GRID1: variants seen among roughly 807,000 people sequenced by gnomAD.
GRID1 encodes the protein glutamate receptor ionotropic, delta-1.
GRID1 carries 28 observed loss-of-function variants against 98.0 expected under a neutral mutation model. The ratio of observed to expected loss-of-function variants is 0.29; its 90% confidence interval spans 0.21 to 0.39. The LOEUF is 0.39. Ranked by LOEUF, GRID1 falls within the 10% of genes least tolerant of loss-of-function variation. The pLI, the probability that GRID1 is intolerant of heterozygous loss-of-function variation, is 1.00. For synonymous variants in GRID1, 553 were observed against 538.5 expected, an observed-to-expected ratio of 1.03 and a Z score of -0.37; for missense variants, 1,111 against 1,340.5, an observed-to-expected ratio of 0.83 and a Z score of 2.67.
chr10:85,612,420 G>A (rs891717062), intron 15 of GRID1, among the ~76,000 whole-genome samples: 1 of 152,180 alleles, frequency 6.6e-6, no homozygotes, highest in East Asian at 1.9e-4. Context: ...GAACTGCCCT[G>A]TACTATCTGA....
intron 4 of GRID1, among the ~76,000 whole-genome samples, chr10:85,999,125 T>C (rs1842774718): frequency 6.6e-6 from 1 of 150,832 alleles, no homozygotes; most frequent in Admixed American, 6.6e-5. Context: ...GGCACGAGAA[T>C]CAGTTGAACT....
intron 2 of GRID1, among the ~76,000 whole-genome samples, chr10:86,222,610 G>A (rs1846274620): frequency 6.6e-6 from 1 of 152,190 alleles, no homozygotes; most frequent in Non-Finnish European, 1.5e-5. Context: ...CACCCCAGGA[G>A]AGGCAGCCTG....
chr10:86,178,271 T>TC (rs1564698554), intron 3 of GRID1, among the ~76,000 whole-genome samples: 4 of 152,116 alleles, frequency 2.6e-5, no homozygotes, highest in African/African-American at 9.7e-5. Context: ...GCATTTTTTT[T>TC]CTTACGTTTT....
intron 13 of GRID1, among the ~76,000 whole-genome samples, chr10:85,634,292 C>CTT (rs59879223): frequency 9.4e-6 from 1 of 106,610 alleles, no homozygotes; most frequent in African/African-American, 4.4e-5. Context: ...CTCTCTCTCT[C>CTT]ACACACACAC....
At chr10:86,225,710 A>G (rs537084396) in intron 2 of GRID1, among the ~76,000 whole-genome samples, 67 of 152,338 alleles carry the variant, frequency 4.4e-4, no homozygotes, top group African/African-American at 1.5e-3. Flanking sequence ...GGACCAGCTC[A>G]GAAACTTAGA....
chr10:85,769,600 G>A (rs928233021), intron 8 of GRID1, among the ~76,000 whole-genome samples: 3 of 152,194 alleles, frequency 2.0e-5, no homozygotes, highest in Non-Finnish European at 2.9e-5. Context: ...CGGCACCTGG[G>A]AAATCGGGTC....
chr10:85,628,042 G>A (rs950630058), intron 13 of GRID1, among the ~76,000 whole-genome samples: 18 of 151,972 alleles, frequency 1.2e-4, no homozygotes, highest in African/African-American at 4.1e-4. Context: ...TGAGAATTGT[G>A]TATGTGCATA....
chr10:86,205,533 T>TG (rs1846013787), intron 3 of GRID1, among the ~76,000 whole-genome samples: 1 of 152,242 alleles, frequency 6.6e-6, no homozygotes, highest in Non-Finnish European at 1.5e-5. Context: ...TATCAAATCC[T>TG]GGTTGCAATA....
At chr10:85,792,756 A>G (rs548910742) in intron 8 of GRID1, among the ~76,000 whole-genome samples, 1 of 152,280 alleles carries the variant, frequency 6.6e-6, no homozygotes, top group East Asian at 1.9e-4. Flanking sequence ...CTGGTATCCC[A>G]GTGGAATGAT....
chr10:85,719,459 T>C (rs1841675869), intron 12 of GRID1, among the ~76,000 whole-genome samples: 1 of 152,254 alleles, frequency 6.6e-6, no homozygotes, highest in African/African-American at 2.4e-5. Context: ...ACTTACAGTT[T>C]CACATGGATG....
At chr10:85,944,764 G>C (rs918603496) in intron 4 of GRID1, among the ~76,000 whole-genome samples, 1 of 151,868 alleles carries the variant, frequency 6.6e-6, no homozygotes, top group Non-Finnish European at 1.5e-5. Context: ...AAATACTAAA[G>C]GAGTAAATTA....
chr10:85,741,119 T>G (rs374013787), intron 8 of GRID1, among the ~76,000 whole-genome samples: 1 of 152,160 alleles, frequency 6.6e-6, no homozygotes, highest in Non-Finnish European at 1.5e-5. Context: ...AAATCTTGTT[T>G]GAAAAACTAA....
At chr10:85,734,886 G>A (rs1355651156) in intron 8 of GRID1, among the ~76,000 whole-genome samples, 2 of 152,140 alleles carry the variant, frequency 1.3e-5, no homozygotes, top group Non-Finnish European at 2.9e-5. Flanking sequence ...GTAAATGAAG[G>A]CTTTAAATGG....
chr10:86,135,018 G>C (rs1026041031), intron 4 of GRID1, among the ~76,000 whole-genome samples: 4 of 152,210 alleles, frequency 2.6e-5, no homozygotes, highest in African/African-American at 4.8e-5. Flanking sequence ...CTGGAGAAGT[G>C]ACAGGAAGAG....
intron 12 of GRID1, among the ~76,000 whole-genome samples, chr10:85,687,099 C>T (rs1233003923): frequency 6.6e-6 from 1 of 152,130 alleles, no homozygotes; most frequent in East Asian, 1.9e-4. Flanking sequence ...GAAAGTACTG[C>T]AACTTCTTCA....
intron 12 of GRID1, among the ~76,000 whole-genome samples, chr10:85,713,375 A>G (rs780758251): frequency 6.6e-6 from 1 of 151,850 alleles, no homozygotes; most frequent in Non-Finnish European, 1.5e-5. Context: ...AAATCTGAGC[A>G]TACTAATAGT....
At chr10:86,113,665 C>A (rs914418342) in intron 4 of GRID1, among the ~76,000 whole-genome samples, 3 of 152,158 alleles carry the variant, frequency 2.0e-5, no homozygotes, top group African/African-American at 7.2e-5. Context: ...ACCCCCACAC[C>A]CTGCAGAGCT....
At chr10:85,871,993 G>A (rs1454012314) in intron 5 of GRID1, among the ~76,000 whole-genome samples, 1 of 152,092 alleles carries the variant, frequency 6.6e-6, no homozygotes, top group Non-Finnish European at 1.5e-5. Context: ...TCAAAGGTGG[G>A]GAAATTGACA....
intron 12 of GRID1, among the ~76,000 whole-genome samples, chr10:85,670,772 C>T (rs74402759): frequency 6.6e-6 from 1 of 152,156 alleles, no homozygotes; most frequent in Non-Finnish European, 1.5e-5. Context: ...GACCTACATG[C>T]CCAACTTGAC....
Sources: allele counts gnomAD v4.1 joint callset (sites outside exome capture counted in the v4.1 genomes callset), GRCh38; gene constraint gnomAD v4.1.1; transcripts MANE v1.5; gene names NCBI Gene and HGNC (gene_info 2026-07-23, HGNC 2026-07-21).